The following CTNNA2 variants were observed in gnomAD, a reference collection of about 807,000 sequenced individuals.
The protein encoded by CTNNA2 is catenin alpha 2, also known as catenin alpha-2.
In CTNNA2, 42 loss-of-function variants were observed where a neutral mutation model predicts 101.0. That is an observed-to-expected ratio of 0.42 (90% CI 0.32 to 0.54). The LOEUF (loss-of-function observed/expected upper bound fraction) is 0.54. Among genes scored for constraint, CTNNA2 ranks in the 20% least tolerant of loss-of-function variants. CTNNA2 has a pLI of 0.14. For missense variants in CTNNA2, 871 were observed against 1,223.1 expected, an observed-to-expected ratio of 0.71 and a Z score of 4.29; for synonymous variants, 450 against 456.4, an observed-to-expected ratio of 0.99 and a Z score of 0.18.
intron 9 of CTNNA2, among the ~76,000 whole-genome samples, chr2:80,470,864 G>A (rs1294376839): frequency 1.3e-5 from 2 of 152,194 alleles, no homozygotes; most frequent in African/African-American, 4.8e-5. Flanking sequence ...AAAAAGGGGA[G>A]AAGAGTTTCA....
At chr2:79,583,853 T>C (rs1172245746) in intron 1 of CTNNA2, among the ~76,000 whole-genome samples, 1 of 152,220 alleles carries the variant, frequency 6.6e-6, no homozygotes, top group Non-Finnish European at 1.5e-5. Context: ...CATTTGTTTT[T>C]CCATTACATT....
intron 3 of CTNNA2, among the ~76,000 whole-genome samples, chr2:79,758,322 C>T (rs1476554987): frequency 6.6e-6 from 1 of 152,212 alleles, no homozygotes; most frequent in Non-Finnish European, 1.5e-5. Context: ...TGTTCTAATT[C>T]TGATGTCAGT....
At position 80,394,766 on chromosome 2, in the gene CTNNA2, CT is replaced by C. The variant is rs11381620; in HGVS notation, c.1137+1485del. On this transcript the variant is annotated intron_variant, in intron 8 of 18. Coordinates refer to ENST00000402739, the MANE Select transcript of CTNNA2 (RefSeq NM_001282597.3). The stretch of plus-strand genomic sequence containing the variant: ...AGGAGCCAAACTAGATCTGCAAACT[CT>C]TTTTTTTTTAAGCTGTATAAGATTG... 4.2e-3 allele frequency among the ~76,000 whole-genome samples: 622 copies of C among 149,630 alleles called. 5 individuals carry two copies. Among genetic ancestry groups the C allele is most frequent in the Non-Finnish European group, 6.4e-3 (429 of 67,252 alleles).
At chr2:80,392,621 T>G (rs1677619493) in intron 7 of CTNNA2, among the ~76,000 whole-genome samples, 1 of 152,182 alleles carries the variant, frequency 6.6e-6, no homozygotes, top group South Asian at 2.1e-4. Flanking sequence ...AGGGAAATTT[T>G]CCTCATGACC....
chr2:79,387,177 G>T (rs1235956431), intron 4 of CTNNA2, among the ~76,000 whole-genome samples: 1 of 152,084 alleles, frequency 6.6e-6, no homozygotes, highest in East Asian at 1.9e-4. Flanking sequence ...CTGGACTAGT[G>T]CTCCAAGGTC....
intron 7 of CTNNA2, among the ~76,000 whole-genome samples, chr2:80,067,086 A>T (rs1308199852): frequency 1.3e-5 from 2 of 152,168 alleles, no homozygotes; most frequent in East Asian, 3.9e-4. Flanking sequence ...GGACTAGGGC[A>T]GTGGGGATTG....
chr2:79,536,811 C>G (rs13404025), intron 1 of CTNNA2, among the ~76,000 whole-genome samples: 103,689 of 151,496 alleles, frequency 0.68, 35,649 homozygotes, highest in Non-Finnish European at 0.72. Context: ...AAGGAGTTCT[C>G]CTGCCTCAGC....
At chr2:79,230,875 T>C (rs1674482658) in intron 2 of CTNNA2, among the ~76,000 whole-genome samples, 1 of 152,240 alleles carries the variant, frequency 6.6e-6, no homozygotes, top group East Asian at 1.9e-4. Flanking sequence ...AATATTTGAC[T>C]GCCTTGTTGG....
intron 9 of CTNNA2, among the ~76,000 whole-genome samples, chr2:80,464,786 A>G (rs1386915104): frequency 6.6e-6 from 1 of 152,146 alleles, no homozygotes; most frequent in African/African-American, 2.4e-5. Flanking sequence ...ATTTAAACAC[A>G]TGAGGAAGGT....
chr2:80,232,320 GTTTTGTTT>G (rs1282287584), intron 7 of CTNNA2, among the ~76,000 whole-genome samples: 1 of 110,598 alleles, frequency 9.0e-6, no homozygotes, highest in Non-Finnish European at 1.9e-5. Context: ...CAGAATTTGG[GTTTTGTTT>G]GTTTGTTTGT....
At chr2:80,440,090 G>A (rs1292437355) in intron 9 of CTNNA2, among the ~76,000 whole-genome samples, 2 of 152,184 alleles carry the variant, frequency 1.3e-5, no homozygotes, top group African/African-American at 2.4e-5. Flanking sequence ...GACATATAGG[G>A]TCACAGTTTT....
intron 12 of CTNNA2, among the ~76,000 whole-genome samples, chr2:80,571,401 C>T (rs1390009294): frequency 6.6e-6 from 1 of 151,992 alleles, no homozygotes; most frequent in Non-Finnish European, 1.5e-5. Flanking sequence ...GAAGTACAAC[C>T]TTGAGAATAA....
chr2:80,001,403 A>G (rs757538682), intron 7 of CTNNA2, among the ~76,000 whole-genome samples: 1 of 152,182 alleles, frequency 6.6e-6, no homozygotes, highest in African/African-American at 2.4e-5. Flanking sequence ...TGTGTGGCCA[A>G]TGATTTTGTA....
At chr2:79,929,056 A>G (rs1687215752) in intron 7 of CTNNA2, among the ~76,000 whole-genome samples, 1 of 152,202 alleles carries the variant, frequency 6.6e-6, no homozygotes, top group African/African-American at 2.4e-5. Flanking sequence ...CAAGCCATGT[A>G]AGGATAACCT....
intron 7 of CTNNA2, among the ~76,000 whole-genome samples, chr2:80,046,156 G>C (rs1467332763): frequency 6.6e-6 from 1 of 152,192 alleles, no homozygotes. Context: ...GTCCACAAAT[G>C]TAAAGACAGT....
At chr2:80,363,726 C>G (rs557079562) in intron 7 of CTNNA2, among the ~76,000 whole-genome samples, 39 of 152,192 alleles carry the variant, frequency 2.6e-4, no homozygotes, top group African/African-American at 9.2e-4. Flanking sequence ...AATTACAATG[C>G]CAGTTAGAAA....
chr2:80,260,364 T>TTCTGAAGG (rs1489724631), intron 7 of CTNNA2, among the ~76,000 whole-genome samples: 1 of 152,170 alleles, frequency 6.6e-6, no homozygotes, highest in Non-Finnish European at 1.5e-5. Flanking sequence ...ATGGCACTAT[T>TTCTGAAGG]TCTGAAGGAC....
intron 4 of CTNNA2, among the ~76,000 whole-genome samples, chr2:79,465,060 T>C (rs543096221): frequency 6.6e-6 from 1 of 152,350 alleles, no homozygotes; most frequent in African/African-American, 2.4e-5. Context: ...TCCTTGCCCA[T>C]GCCTATGTCC....
At chr2:79,970,760 C>T (rs1217664640) in intron 7 of CTNNA2, among the ~76,000 whole-genome samples, 1 of 152,076 alleles carries the variant, frequency 6.6e-6, no homozygotes, top group Admixed American at 6.6e-5. Flanking sequence ...ATTTGACATC[C>T]TTTCATCCTT....
Sources: allele counts gnomAD v4.1 joint callset (sites outside exome capture counted in the v4.1 genomes callset), GRCh38; gene constraint gnomAD v4.1.1; transcripts MANE v1.5; gene names NCBI Gene and HGNC (gene_info 2026-07-23, HGNC 2026-07-21).